Variants in DPP6 observed in about 807,000 individuals in gnomAD.
DPP6 encodes A-type potassium channel modulatory protein DPP6.
Under a neutral mutation model 122.6 loss-of-function variants are expected in DPP6, and 69 were observed. That is an observed-to-expected ratio of 0.56 (90% CI 0.46 to 0.69). The LOEUF (loss-of-function observed/expected upper bound fraction) is 0.69. DPP6 is among the 30% of genes least tolerant of loss of function. The pLI is 0.00. For missense variants in DPP6, 928 were observed against 1,116.9 expected, an observed-to-expected ratio of 0.83 and a Z score of 2.41; for synonymous variants, 418 against 433.1, an observed-to-expected ratio of 0.97 and a Z score of 0.43.
chr7:154,510,255 A>G lies in DPP6; in HGVS notation c.458-30277A>G, dbSNP rs552394691. Reference sequence around the variant, plus strand: ...TGAGAAATACTAATGAGGAAGAAATAGAACAAGCATCTCCAGCAACCAGTG... The same window carrying G: ...TGAGAAATACTAATGAGGAAGAAATGGAACAAGCATCTCCAGCAACCAGTG... On this transcript the variant is annotated intron_variant, in intron 3 of 25. Transcript: ENST00000377770. Among the ~76,000 whole-genome samples the G allele has an allele frequency of 1.3e-3, 193 of 152,362 alleles. No homozygotes were observed. In the South Asian group the frequency reaches 0.014, roughly 11 times the overall value.
chr7:154,518,214 A>G (rs1000687395), intron 3 of DPP6, among the ~76,000 whole-genome samples: 1 of 152,204 alleles, frequency 6.6e-6, no homozygotes, highest in African/African-American at 2.4e-5. Flanking sequence ...ATTCAGATCA[A>G]TTTGTTCTTT....
At chr7:153,994,124 TCTAGTCCAGG>T (rs201239534) in intron 1 of DPP6, among the ~76,000 whole-genome samples, 2,110 of 151,606 alleles carry the variant, frequency 0.014, 8 homozygotes, top group Middle Eastern at 0.041. Flanking sequence ...TGATATAAGA[TCTAGTCCAGG>T]CTGTGCCACT....
chr7:153,769,522 G>C, the DPP6 span, among the ~76,000 whole-genome samples: 1 of 152,164 alleles, frequency 6.6e-6, no homozygotes, highest in Non-Finnish European at 1.5e-5. Context: ...AATCATCCCT[G>C]TGATAGGACC....
chr7:154,653,952 A>T, intron 6 of DPP6, among the ~76,000 whole-genome samples: 1 of 140,684 alleles, frequency 7.1e-6, no homozygotes, highest in African/African-American at 2.6e-5. Context: ...GATTCAAGCA[A>T]CCTCCCTCAG....
chr7:153,753,323 T>G, the DPP6 span, among the ~76,000 whole-genome samples: 2 of 152,184 alleles, frequency 1.3e-5, no homozygotes, highest in South Asian at 2.1e-4. Context: ...TATTCTTTCT[T>G]GGGATGACAA....
chr7:154,094,243 A>T (rs1380175178), intron 1 of DPP6: 1 of 152,182 alleles, frequency 6.6e-6, no homozygotes. Context: ...ATACAAATTC[A>T]TAAACATTGA....
rs1800820754 is a variant in DPP6, at chr7:154,833,819, A to C, written c.1667-19961A>C. Among the ~76,000 whole-genome samples the C allele has an allele frequency of 6.6e-6, 1 of 152,236 alleles. No individual in the cohort carries two copies. Among genetic ancestry groups the C allele is most frequent in the Non-Finnish European group, 1.5e-5 (1 of 68,040 alleles). On this transcript the variant is annotated intron_variant, in intron 16 of 25. Coordinates refer to ENST00000377770, the MANE Select transcript of DPP6 (RefSeq NM_130797.4). The surrounding 1 kb of genome is among the most constrained non-coding windows in gnomAD (Gnocchi z 4.3). Reference sequence around the variant, plus strand: ...CATAGACAAAGGAAATTTAAGGACAAAGGAAAATTATGTGGACAAAGGAGT... The same window carrying C: ...CATAGACAAAGGAAATTTAAGGACACAGGAAAATTATGTGGACAAAGGAGT...
At chr7:154,198,553 A>G (rs1313816409) in intron 1 of DPP6, among the ~76,000 whole-genome samples, 1 of 152,076 alleles carries the variant, frequency 6.6e-6, no homozygotes, top group Non-Finnish European at 1.5e-5. Flanking sequence ...ACTTCAAATG[A>G]TCTGCCCGCC....
At chr7:154,721,216 C>T (rs933161667) in intron 7 of DPP6, among the ~76,000 whole-genome samples, 4 of 152,230 alleles carry the variant, frequency 2.6e-5, no homozygotes, top group Non-Finnish European at 2.9e-5. Flanking sequence ...TATCAGACCA[C>T]AAGTTCTGGA....
the DPP6 span, among the ~76,000 whole-genome samples, chr7:153,839,114 C>A: frequency 1.4e-4 from 22 of 152,098 alleles, no homozygotes; most frequent in Admixed American, 9.2e-4. Flanking sequence ...CACTGGCAAC[C>A]ACTGCTCTAC....
intron 1 of DPP6, among the ~76,000 whole-genome samples, chr7:154,223,221 A>G (rs1800407240): frequency 6.7e-6 from 1 of 149,394 alleles, no homozygotes; most frequent in African/African-American, 2.5e-5. Flanking sequence ...CGTCTCTACC[A>G]GCAGAAGCTC....
intron 1 of DPP6, among the ~76,000 whole-genome samples, chr7:154,344,800 A>C (rs1224718375): frequency 6.6e-6 from 1 of 152,144 alleles, no homozygotes; most frequent in Non-Finnish European, 1.5e-5. Context: ...AGGCAGGAGA[A>C]TTGCTTGAAC....
chr7:154,387,172 G>A (rs1273498221), intron 1 of DPP6, among the ~76,000 whole-genome samples: 1 of 152,118 alleles, frequency 6.6e-6, no homozygotes, highest in Non-Finnish European at 1.5e-5. Context: ...CTGAGCTCCG[G>A]ACAAATTCTG....
intron 1 of DPP6, among the ~76,000 whole-genome samples, chr7:154,212,697 T>C (rs1799804339): frequency 6.6e-6 from 1 of 152,190 alleles, no homozygotes; most frequent in South Asian, 2.1e-4. Flanking sequence ...AACCATCAAT[T>C]GTTGAGGACC....
At chr7:154,777,436 C>G (rs1283850478) in intron 10 of DPP6, among the ~76,000 whole-genome samples, 1 of 152,160 alleles carries the variant, frequency 6.6e-6, no homozygotes, top group Non-Finnish European at 1.5e-5. Context: ...GGACCCAGGC[C>G]TTGTTAAGCT....
intron 1 of DPP6, among the ~76,000 whole-genome samples, chr7:154,335,455 C>T (rs1190789673): frequency 2.0e-5 from 3 of 152,230 alleles, no homozygotes; most frequent in Non-Finnish European, 4.4e-5. Flanking sequence ...TTGTCAGGCA[C>T]AGTACACACA....
At chr7:153,978,265 A>G (rs1367312746) in intron 1 of DPP6, among the ~76,000 whole-genome samples, 2 of 152,200 alleles carry the variant, frequency 1.3e-5, no homozygotes, top group Non-Finnish European at 2.9e-5. Flanking sequence ...GTGAGATGGT[A>G]TCTCATTGTG....
intron 17 of DPP6, among the ~76,000 whole-genome samples, chr7:154,866,367 G>A (rs761247995): frequency 2.0e-5 from 3 of 152,216 alleles, no homozygotes; most frequent in Non-Finnish European, 4.4e-5. Context: ...GAGTGCTGCC[G>A]CCCATCCATT....
At chr7:154,295,111 A>C (rs572730627) in intron 1 of DPP6, among the ~76,000 whole-genome samples, 1 of 152,322 alleles carries the variant, frequency 6.6e-6, no homozygotes, top group Admixed American at 6.5e-5. Flanking sequence ...GTGAGAAGCA[A>C]AACAACCTGA....
Sources: allele counts gnomAD v4.1 joint callset (sites outside exome capture counted in the v4.1 genomes callset), GRCh38; gene constraint gnomAD v4.1.1; non-coding constraint Gnocchi (gnomAD v3.1); transcripts MANE v1.5; gene names NCBI Gene and HGNC (gene_info 2026-07-23, HGNC 2026-07-21).